Variants in DNAH7 observed in about 807,000 individuals in gnomAD.
The protein encoded by DNAH7 is axonemal beta dynein heavy chain 7.
In DNAH7, 397 loss-of-function variants were observed where a neutral mutation model predicts 444.6. That is an observed-to-expected ratio of 0.89 (90% CI 0.82 to 0.97). The LOEUF is 0.97. Ranked by LOEUF, DNAH7 falls within the 50% of genes least tolerant of loss-of-function variation. The pLI, the probability that DNAH7 is intolerant of heterozygous loss-of-function variation, is 0.00. For missense variants in DNAH7, 4,902 were observed against 4,800.8 expected (o/e 1.02, Z -0.62); for synonymous variants, 1,636 against 1,624.4 (o/e 1.01, Z -0.17).
At chr2:195,749,501 TA>T (rs1410030420) in intron 63 of DNAH7, among the ~76,000 whole-genome samples, 1 of 152,194 alleles carries the variant, frequency 6.6e-6, no homozygotes, top group African/African-American at 2.4e-5. Flanking sequence ...CAAAGGACTA[TA>T]AATCATGCTG....
rs188197671 is a variant in DNAH7, at chr2:195,745,945, C to T, written c.11765-5076G>A. 1.1e-3 allele frequency among the ~76,000 whole-genome samples: 160 copies of T among 152,272 alleles called. No individual in the cohort carries two copies. The Middle Eastern group carries it at 0.017, about 16-fold the overall frequency. On this transcript the variant is annotated intron_variant, in intron 63 of 64. Coordinates refer to ENST00000312428, the MANE Select transcript of DNAH7 (RefSeq NM_018897.3). ...GCTAGGAAGAAACTGCATCAACTAACGAGCAAAATAACCAGTTAACATCAT... is the reference window on the plus strand; with the variant it reads ...GCTAGGAAGAAACTGCATCAACTAATGAGCAAAATAACCAGTTAACATCAT...
chr2:195,921,281 T>C (rs764542998), intron 24 of DNAH7, among the ~76,000 whole-genome samples: 3 of 151,724 alleles, frequency 2.0e-5, no homozygotes, highest in Non-Finnish European at 2.9e-5. Context: ...AGTAGCACAA[T>C]TTGCACTTGC....
chr2:195,891,844 C>T, intron 30 of DNAH7, 40 bp from the exon 31 acceptor site: 3 of 1,458,428 alleles, frequency 2.1e-6, no homozygotes, highest in Non-Finnish European at 2.8e-6. Context: ...GTAAAGAATA[C>T]TGTCTTTATT....
intron 61 of DNAH7, 30 bp downstream of exon 61, chr2:195,771,630 G>T: frequency 6.7e-7 from 1 of 1,485,308 alleles, no homozygotes; most frequent in South Asian, 1.1e-5. Context: ...ATAATTTAAT[G>T]GGGGTTTTTT....
chr2:195,820,752 G>GT (rs557867601), intron 49 of DNAH7, among the ~76,000 whole-genome samples: 13 of 152,182 alleles, frequency 8.5e-5, no homozygotes, highest in East Asian at 3.9e-4. Context: ...AAATCTGAGG[G>GT]TTTTTTTAAA....
intron 2 of DNAH7, among the ~76,000 whole-genome samples, chr2:196,057,674 T>G (rs1339563346): frequency 1.3e-5 from 2 of 152,206 alleles, no homozygotes; most frequent in Non-Finnish European, 2.9e-5. Flanking sequence ...ATTACACAGT[T>G]CATGCTGAGC....
At chr2:195,764,715 C>T (rs902828482) in intron 61 of DNAH7, among the ~76,000 whole-genome samples, 1 of 151,872 alleles carries the variant, frequency 6.6e-6, no homozygotes, top group South Asian at 2.1e-4. Context: ...CTATAAAACA[C>T]TGGTGAAAGA....
chr2:195,934,228 G>A (rs543274563), intron 21 of DNAH7, among the ~76,000 whole-genome samples: 9 of 152,300 alleles, frequency 5.9e-5, no homozygotes, highest in Middle Eastern at 3.4e-3. Context: ...TACATGTCGA[G>A]GAGATTGATG....
intron 15 of DNAH7, among the ~76,000 whole-genome samples, chr2:195,974,917 A>T (rs1469916378): frequency 1.3e-5 from 2 of 152,164 alleles, no homozygotes; most frequent in Non-Finnish European, 2.9e-5. Context: ...TAAGTGAATG[A>T]TTTTTAAAAA....
intron 46 of DNAH7, among the ~76,000 whole-genome samples, chr2:195,847,569 A>G (rs1009723535): frequency 6.6e-6 from 1 of 151,908 alleles, no homozygotes. Context: ...GTGATGACAT[A>G]ATCTGTACAC....
At chr2:196,006,573 A>C (rs1190730209) in intron 10 of DNAH7, among the ~76,000 whole-genome samples, 2 of 152,086 alleles carry the variant, frequency 1.3e-5, no homozygotes, top group Non-Finnish European at 2.9e-5. Context: ...GAAAAAAAAA[A>C]AAACATATCC....
chr2:195,809,376 G>A (rs896982691), intron 52 of DNAH7, among the ~76,000 whole-genome samples: 1 of 152,142 alleles, frequency 6.6e-6, no homozygotes, highest in Non-Finnish European at 1.5e-5. Context: ...ACACGTAAGT[G>A]TATAAAATAG....
At chr2:195,775,643 T>TA (rs553573642) in intron 60 of DNAH7, among the ~76,000 whole-genome samples, 28 of 117,066 alleles carry the variant, frequency 2.4e-4, no homozygotes, top group African/African-American at 7.9e-4. Flanking sequence ...CAAAAAAAGA[T>TA]AGATGAAAAA....
chr2:195,881,355 T>C (rs1701366327), intron 36 of DNAH7, among the ~76,000 whole-genome samples: 1 of 152,206 alleles, frequency 6.6e-6, no homozygotes, highest in African/African-American at 2.4e-5. Flanking sequence ...CATTTTCTAT[T>C]ACAGCATCTA....
intron 5 of DNAH7, among the ~76,000 whole-genome samples, chr2:196,045,101 G>A (rs1386595519): frequency 6.6e-6 from 1 of 150,424 alleles, no homozygotes; most frequent in Non-Finnish European, 1.5e-5. Flanking sequence ...GAAGGAGAAG[G>A]TGAAGGAGGA....
intron 27 of DNAH7, among the ~76,000 whole-genome samples, chr2:195,906,423 A>ACACACTT (rs1553558173): frequency 6.1e-5 from 9 of 147,462 alleles, no homozygotes; most frequent in Non-Finnish European, 1.3e-4. Context: ...ACACACACAC[A>ACACACTT]CACACACTTT....
Position 195,926,643 on chromosome 2 carries a change from T to A in DNAH7, c.3472-77A>T. The A allele has an allele frequency of 3.1e-6, 4 of 1,309,866 alleles. No homozygotes were observed. The South Asian group carries it at 7.2e-5, about 24-fold the overall frequency. The allele number at this position is 1,309,866 out of a possible 1,614,324, so 81.1% of individuals were successfully genotyped here. A position where few individuals can be genotyped will look rare whatever the true frequency, so the allele number is the denominator to read the frequency against. ...CAATTGAGAGCTAAACTAAACTAGA[T>A]TAATTCATACTGCTCAATTTTTTAC... On this transcript the variant is annotated intron_variant, in intron 21 of 64. Coordinates refer to ENST00000312428, the MANE Select transcript of DNAH7 (RefSeq NM_018897.3).
intron 52 of DNAH7, among the ~76,000 whole-genome samples, chr2:195,809,396 A>G (rs896153825): frequency 6.6e-6 from 1 of 152,354 alleles, no homozygotes; most frequent in Non-Finnish European, 1.5e-5. Context: ...GTGACTTTAC[A>G]CAGATTTCAG....
intron 64 of DNAH7, among the ~76,000 whole-genome samples, chr2:195,738,391 G>A (rs1022803093): frequency 7.3e-5 from 11 of 149,898 alleles, no homozygotes; most frequent in African/African-American, 2.2e-4. Context: ...CCTGGGAAAT[G>A]ACTTTTAGTG....
Sources: gnomAD v4.1 joint callset for allele counts (sites outside exome capture counted in the v4.1 genomes callset) on GRCh38, gnomAD v4.1.1 for gene constraint, MANE v1.5 for transcripts, NCBI Gene and HGNC (gene_info 2026-07-23, HGNC 2026-07-21) for gene names.